The following NRG1 variants were observed in gnomAD, a reference collection of about 807,000 sequenced individuals.
The protein encoded by NRG1 is neuregulin 1.
In NRG1, 18 loss-of-function variants were observed where a neutral mutation model predicts 63.8. The observed-to-expected ratio is 0.28, with a 90% CI of 0.19 to 0.42. NRG1 has a LOEUF of 0.42. Ranked by LOEUF, NRG1 falls within the 10% of genes least tolerant of loss-of-function variation. The pLI, the probability that NRG1 is intolerant of heterozygous loss-of-function variation, is 1.00. For synonymous variants in NRG1, 302 were observed against 301.3 expected, an observed-to-expected ratio of 1.00 and a Z score of -0.02; for missense variants, 762 against 814.7, an observed-to-expected ratio of 0.94 and a Z score of 0.79.
chr8:32,344,082 C>T (rs184018714), intron 1 of NRG1, among the ~76,000 whole-genome samples: 1 of 152,292 alleles, frequency 6.6e-6, no homozygotes, highest in African/African-American at 2.4e-5. Flanking sequence ...AGTATTTAAA[C>T]CTTGACCACA....
intron 1 of NRG1, among the ~76,000 whole-genome samples, chr8:32,270,128 A>G (rs545434896): frequency 2.6e-5 from 4 of 152,332 alleles, no homozygotes; most frequent in African/African-American, 9.6e-5. Flanking sequence ...ATATGCTGTG[A>G]AGGCATCAGA....
At chr8:31,891,300 ACAAT>A (rs1283138014) in intron 1 of NRG1, among the ~76,000 whole-genome samples, 3 of 152,162 alleles carry the variant, frequency 2.0e-5, no homozygotes, top group Non-Finnish European at 4.4e-5. Context: ...AATTTTAGTA[ACAAT>A]CTATTTTAGA....
intron 1 of NRG1, among the ~76,000 whole-genome samples, chr8:31,824,616 C>T (rs1049794251): frequency 6.6e-6 from 1 of 152,288 alleles, no homozygotes; most frequent in Admixed American, 6.5e-5. Context: ...TATCTTGTTT[C>T]CTGAATCCCT....
chr8:32,185,647 T>G (rs1250584186), intron 1 of NRG1, among the ~76,000 whole-genome samples: 3 of 152,234 alleles, frequency 2.0e-5, no homozygotes, highest in Non-Finnish European at 4.4e-5. Context: ...AGTGAAGCTG[T>G]AAGTATAATT....
chr8:32,024,212 G>A (rs1020599352), intron 1 of NRG1, among the ~76,000 whole-genome samples: 2 of 152,206 alleles, frequency 1.3e-5, no homozygotes, highest in African/African-American at 4.8e-5. Context: ...CTTGAATCGG[G>A]AGAGTTAGAG....
At chr8:32,007,314 A>C (rs1813936648) in intron 1 of NRG1, among the ~76,000 whole-genome samples, 1 of 152,046 alleles carries the variant, frequency 6.6e-6, no homozygotes, top group Non-Finnish European at 1.5e-5. Flanking sequence ...TCTGACCTTC[A>C]TATTTTAATT....
intron 1 of NRG1, among the ~76,000 whole-genome samples, chr8:31,753,439 G>A (rs1013161098): frequency 6.6e-6 from 1 of 151,966 alleles, no homozygotes; most frequent in East Asian, 1.9e-4. Flanking sequence ...GTTAGATTTT[G>A]GAAGGTTACA....
At chr8:32,612,120 G>A (rs1392940341) in intron 3 of NRG1, among the ~76,000 whole-genome samples, 1 of 151,984 alleles carries the variant, frequency 6.6e-6, no homozygotes, top group Non-Finnish European at 1.5e-5. Flanking sequence ...ACTAATGAAG[G>A]GGCTGTCCTT....
intron 5 of NRG1, among the ~76,000 whole-genome samples, chr8:32,671,157 A>T (rs1805561466): frequency 6.6e-6 from 1 of 151,866 alleles, no homozygotes; most frequent in Admixed American, 6.6e-5. Context: ...AATTAAAAAA[A>T]AATTATCCTT....
chr8:31,975,370 A>G (rs924599102), intron 1 of NRG1, among the ~76,000 whole-genome samples: 3 of 152,254 alleles, frequency 2.0e-5, no homozygotes, highest in African/African-American at 7.2e-5. Flanking sequence ...GGAGGTGAGG[A>G]TGGGAACTGG....
intron 1 of NRG1, among the ~76,000 whole-genome samples, chr8:32,343,353 G>A (rs937097131): frequency 9.2e-5 from 14 of 152,082 alleles, no homozygotes; most frequent in African/African-American, 2.4e-4. Context: ...AATTATGTGC[G>A]AACCTTGGAG....
chr8:31,991,060 G>A (rs1810977495), intron 1 of NRG1, among the ~76,000 whole-genome samples: 1 of 152,030 alleles, frequency 6.6e-6, no homozygotes. Context: ...AATGTTAATA[G>A]CCTCCATCAC....
chr8:32,079,446 A>G (rs902667647), intron 1 of NRG1, among the ~76,000 whole-genome samples: 17 of 152,160 alleles, frequency 1.1e-4, no homozygotes, highest in Non-Finnish European at 1.9e-4. Context: ...TATTATCCCA[A>G]CTTACAGATG....
intron 1 of NRG1, among the ~76,000 whole-genome samples, chr8:32,198,898 C>A (rs1193359498): frequency 2.0e-5 from 3 of 151,306 alleles, no homozygotes; most frequent in African/African-American, 7.3e-5. Flanking sequence ...ATATATATAT[C>A]TTATTTATAT....
intron 5 of NRG1, among the ~76,000 whole-genome samples, chr8:32,709,843 A>C (rs1454797499): frequency 6.6e-6 from 1 of 152,206 alleles, no homozygotes; most frequent in Non-Finnish European, 1.5e-5. Flanking sequence ...TTAGTAAAAA[A>C]TCAACGGAAT....
At chr8:31,770,925 A>C (rs1355791468) in intron 1 of NRG1, among the ~76,000 whole-genome samples, 2 of 152,104 alleles carry the variant, frequency 1.3e-5, no homozygotes, top group Non-Finnish European at 2.9e-5. Context: ...TAACGTAATC[A>C]TAGCACAATT....
intron 1 of NRG1, among the ~76,000 whole-genome samples, chr8:32,054,807 G>C (rs1445740917): frequency 6.8e-6 from 1 of 146,650 alleles, no homozygotes; most frequent in Non-Finnish European, 1.5e-5. Context: ...ACCTAAACTT[G>C]GGTGTTTACT....
At chr8:32,477,458 G>A (rs1824669422) in intron 1 of NRG1, among the ~76,000 whole-genome samples, 1 of 152,184 alleles carries the variant, frequency 6.6e-6, no homozygotes, top group African/African-American at 2.4e-5. Flanking sequence ...TGAAACTCAT[G>A]TCTTATATAT....
chr8:32,606,862 T>C (rs1845368303), intron 3 of NRG1, among the ~76,000 whole-genome samples: 1 of 152,100 alleles, frequency 6.6e-6, no homozygotes, highest in African/African-American at 2.4e-5. Context: ...GTTAATTCTA[T>C]GGGAGGCTGA....
Sources: allele counts gnomAD v4.1 joint callset (sites outside exome capture counted in the v4.1 genomes callset), GRCh38; gene constraint gnomAD v4.1.1; transcripts MANE v1.5; gene names NCBI Gene and HGNC (gene_info 2026-07-23, HGNC 2026-07-21).